SLC41A2: variants seen among roughly 807,000 people sequenced by gnomAD.
SLC41A2 encodes solute carrier family 41 member 2.
A neutral mutation model predicts 58.3 loss-of-function variants in SLC41A2; 32 were observed. The ratio of observed to expected loss-of-function variants is 0.55; its 90% CI spans 0.41 to 0.74. The LOEUF (loss-of-function observed/expected upper bound fraction) is 0.74. SLC41A2 is among the 30% of genes least tolerant of loss of function. The pLI, the probability that SLC41A2 is intolerant of heterozygous loss-of-function variation, is 0.00. For synonymous variants in SLC41A2, 190 were observed against 235.0 expected, an observed-to-expected ratio of 0.81 and a Z score of 1.75; for missense variants, 514 against 680.6, an observed-to-expected ratio of 0.76 and a Z score of 2.72.
chr12:104,886,910 C>G (rs4375513), intron 5 of SLC41A2, among the ~76,000 whole-genome samples: 1 of 151,790 alleles, frequency 6.6e-6, no homozygotes. Flanking sequence ...CATTTTATTA[C>G]TTAAAGACGT....
chr12:104,932,445 C>T (rs139730588), intron 1 of SLC41A2, among the ~76,000 whole-genome samples: 2 of 151,634 alleles, frequency 1.3e-5, no homozygotes, highest in African/African-American at 2.4e-5. Context: ...GGCAACATGG[C>T]GAAACCTTGT....
At position 104,846,152 on chromosome 12, in the gene SLC41A2, G is replaced by A. The variant is rs111385156; in HGVS notation, c.1256-178C>T. Among the ~76,000 whole-genome samples the A allele has an allele frequency of 5.5e-4, 83 of 152,250 alleles. 1 individual carries two copies. Among genetic ancestry groups the A allele is most frequent in the African/African-American group, 2.0e-3 (82 of 41,538 alleles). ...GACATTCCAAAGGCATAAAATCATTGTTAGATAAGATTAATTCATTATTTT... is the reference window on the plus strand; with the variant it reads ...GACATTCCAAAGGCATAAAATCATTATTAGATAAGATTAATTCATTATTTT... On this transcript the variant is annotated intron_variant, in intron 8 of 10. Coordinates refer to ENST00000258538, the MANE Select transcript of SLC41A2 (RefSeq NM_001352171.3).
intron 3 of SLC41A2, among the ~76,000 whole-genome samples, chr12:104,908,222 G>A (rs1451487276): frequency 2.6e-5 from 4 of 152,138 alleles, no homozygotes; most frequent in Non-Finnish European, 4.4e-5. Context: ...CTGAGATCAC[G>A]CCACTGTACT....
chr12:104,947,409 G>T (rs1043899977), intron 1 of SLC41A2, among the ~76,000 whole-genome samples: 6 of 151,402 alleles, frequency 4.0e-5, no homozygotes, highest in African/African-American at 1.5e-4. Flanking sequence ...CACCATGTTG[G>T]CCAGGCTGGT....
In SLC41A2 at chr12:104,869,649, AT is replaced by A. The variant is rs149205413; in HGVS notation, c.1028-3071del. The stretch of plus-strand genomic sequence containing the variant: ...ATTACCTGCCAAATCCAACATGCCC[AT>A]TCCCACCAAATTAGACCATATGGAT... On this transcript the variant is annotated intron_variant, in intron 6 of 10. Transcript: ENST00000258538. Among the ~76,000 whole-genome samples, 465 of 152,320 alleles carry A rather than the reference AT, an allele frequency of 3.1e-3. 1 individual carries two copies. Among genetic ancestry groups the A allele is most frequent in the African/African-American group, 0.011 (441 of 41,572 alleles).
rs140411295 is a variant in SLC41A2 at position 104,902,765 on chromosome 12, G to A, written c.663+6890C>T. On this transcript the variant is annotated intron_variant, in intron 3 of 10. Coordinates refer to ENST00000258538, the MANE Select transcript of SLC41A2 (RefSeq NM_001352171.3). ...AGTTTTCAACTAGAAAATAATCAGT[G>A]AAGAGTCCAGAGAAGATGAGGCTTT... Among the ~76,000 whole-genome samples, 732 of 152,270 alleles carry A rather than the reference G, an allele frequency of 4.8e-3. 5 individuals carry two copies. Among genetic ancestry groups the A allele is most frequent in the African/African-American group, 0.017 (706 of 41,568 alleles).
intron 2 of SLC41A2, among the ~76,000 whole-genome samples, chr12:104,909,974 G>A (rs1364224168): frequency 1.3e-5 from 2 of 152,088 alleles, no homozygotes; most frequent in African/African-American, 4.8e-5. Flanking sequence ...TTAGAGTTGG[G>A]GGTCAGCTGA....
chr12:104,866,436 T>A lies in SLC41A2; in HGVS notation c.1171A>T (p.Ser391Cys). The A allele has an allele frequency of 6.2e-7, 1 of 1,609,172 alleles. No individual in the cohort carries two copies. Among genetic ancestry groups the A allele is most frequent in the Non-Finnish European group, 8.5e-7 (1 of 1,178,264 alleles). Residue 391 changes from serine to cysteine, a missense_variant, in exon 7 of 11, where the codon AGT (serine) becomes TGT (cysteine). This residue lies in a region of SLC41A2 where 50 missense variants were observed against 104.5 expected (regional missense o/e 0.48). Coordinates refer to ENST00000258538, the MANE Select transcript of SLC41A2 (RefSeq NM_001352171.3). Reference protein sequence around the residue: ...WEPVITAMVISSIGGLILDTT... With the variant: ...WEPVITAMVICSIGGLILDTT... ...CACACATATTTTAATACTAACCTACTTATAACCATAGCTGTTATGACAGGC... is the reference window on the plus strand; with the variant it reads ...CACACATATTTTAATACTAACCTACATATAACCATAGCTGTTATGACAGGC...
intron 2 of SLC41A2, among the ~76,000 whole-genome samples, chr12:104,921,646 T>C (rs544094784): frequency 6.6e-6 from 1 of 152,210 alleles, no homozygotes; most frequent in East Asian, 1.9e-4. Flanking sequence ...AAAAACACAC[T>C]AATGTGCAAA....
rs546301785 is a variant in SLC41A2, at chr12:104,929,263, T to C, written c.-167-569A>G. ...CTATATAGGGCATTTATTTCACAAA[T>C]AAAATGAGGCTGGAGTCATATTTGT... On this transcript the variant is annotated intron_variant, in intron 1 of 10. Coordinates refer to ENST00000258538, the MANE Select transcript of SLC41A2 (RefSeq NM_001352171.3). 1.2e-4 allele frequency among the ~76,000 whole-genome samples: 18 copies of C among 152,308 alleles called. No homozygotes were observed. In the South Asian group the frequency reaches 3.7e-3, roughly 32 times the overall value.
intron 10 of SLC41A2, among the ~76,000 whole-genome samples, chr12:104,840,090 G>C (rs1336057277): frequency 6.6e-6 from 1 of 152,122 alleles, no homozygotes; most frequent in East Asian, 1.9e-4. Flanking sequence ...GAATACCGTA[G>C]GGCGTAAGGC....
At chr12:104,930,559 T>A (rs947187402) in intron 1 of SLC41A2, among the ~76,000 whole-genome samples, 3 of 152,186 alleles carry the variant, frequency 2.0e-5, no homozygotes, top group African/African-American at 7.2e-5. Flanking sequence ...GATTGAGCTA[T>A]AAGACAGGTC....
At chr12:104,950,582 C>T (rs189302126) in intron 1 of SLC41A2, among the ~76,000 whole-genome samples, 57 of 152,280 alleles carry the variant, frequency 3.7e-4, no homozygotes, top group African/African-American at 1.1e-3. Flanking sequence ...TTTTCCCAGG[C>T]TGGTCACGAA....
At chr12:104,865,792 C>T (rs2043414773) in intron 7 of SLC41A2, among the ~76,000 whole-genome samples, 1 of 152,142 alleles carries the variant, frequency 6.6e-6, no homozygotes, top group Non-Finnish European at 1.5e-5. Context: ...GTATCATAAA[C>T]TCTTTCCATA....
chr12:104,935,005 T>C (rs2047205269), intron 1 of SLC41A2, among the ~76,000 whole-genome samples: 1 of 152,206 alleles, frequency 6.6e-6, no homozygotes, highest in Admixed American at 6.5e-5. Context: ...TTGCCCAAGC[T>C]GCAGTGCAAT....
chr12:104,928,445 A>G lies in SLC41A2; in HGVS notation c.83T>C (p.Leu28Ser), dbSNP rs1403221388. Reference sequence around the variant, plus strand: ...GTCGGATTGAATTGTGTTTAAACGTAAAGTCCAATCTACAAAACCTCCTCC... The same window carrying G: ...GTCGGATTGAATTGTGTTTAAACGTGAAGTCCAATCTACAAAACCTCCTCC... ...SSGGGFVDWT[L>S]RLNTIQSDKF... Residue 28 changes from leucine to serine, a missense_variant, in exon 2 of 11, where the codon TTA (leucine) becomes TCA (serine). Coordinates refer to ENST00000258538, the MANE Select transcript of SLC41A2 (RefSeq NM_001352171.3). 2 of 1,551,664 alleles carry G rather than the reference A, an allele frequency of 1.3e-6. No homozygotes were observed. Among genetic ancestry groups the G allele is most frequent in the Non-Finnish European group, 8.7e-7 (1 of 1,146,898 alleles).
intron 8 of SLC41A2, among the ~76,000 whole-genome samples, chr12:104,847,919 G>A (rs543406372): frequency 5.3e-5 from 8 of 152,292 alleles, no homozygotes; most frequent in Admixed American, 5.2e-4. Context: ...TATTAATGAT[G>A]TTAAGGGAGG....
rs2040727370 is a variant in SLC41A2 at position 104,802,132 on chromosome 12, T to A, written c.*3020A>T. Among the ~76,000 whole-genome samples, 1 of 152,132 alleles carries A rather than the reference T, an allele frequency of 6.6e-6. No homozygotes were observed. The highest frequency in any genetic ancestry group is 2.4e-5 in the African/African-American group (1 of 41,428). On this transcript the variant is annotated 3_prime_UTR_variant, in exon 11 of 11. Transcript: ENST00000258538. ...TTTTGGACACCTACCAGAACACATA[T>A]TACCATAAGTTTCCATTTTATCAGG... is the stretch of plus-strand genomic sequence containing the variant.
At chr12:104,949,630 C>CT (rs2047877540) in intron 1 of SLC41A2, among the ~76,000 whole-genome samples, 1 of 152,224 alleles carries the variant, frequency 6.6e-6, no homozygotes, top group Non-Finnish European at 1.5e-5. Context: ...GTTGCCCAGG[C>CT]TGGAGTGCAA....
Sources: gnomAD v4.1 joint callset for allele counts (sites outside exome capture counted in the v4.1 genomes callset) on GRCh38, gnomAD v4.1.1 for gene constraint, gnomAD v4.1.1 regional missense constraint, MANE v1.5 for transcripts, NCBI Gene and HGNC (gene_info 2026-07-23, HGNC 2026-07-21) for gene names.